The following CFAP54 variants were observed in gnomAD, a reference collection of about 807,000 sequenced individuals.
CFAP54 encodes cilia and flagella associated protein 54, also known as cilia- and flagella-associated protein 54.
In CFAP54, 290 loss-of-function variants were observed where a neutral mutation model predicts 370.4. The ratio of observed to expected loss-of-function variants is 0.78; its 90% CI spans 0.71 to 0.86. CFAP54 has a LOEUF of 0.86. Among genes scored for constraint, CFAP54 ranks in the 40% least tolerant of loss-of-function variants. The pLI is 0.00. For missense variants in CFAP54, 3,399 were observed against 3,528.7 expected, an observed-to-expected ratio of 0.96 and a Z score of 0.93; for synonymous variants, 1,206 against 1,236.5, an observed-to-expected ratio of 0.98 and a Z score of 0.52.
intron 66 of CFAP54, among the ~76,000 whole-genome samples, chr12:96,860,134 A>ATTTTTTTTTT (rs137937553): frequency 7.8e-6 from 1 of 127,990 alleles, no homozygotes; most frequent in Non-Finnish European, 1.6e-5. Flanking sequence ...TTGTTCTCTA[A>ATTTTTTTTTT]TTTTTTTTTT....
intron 4 of CFAP54, among the ~76,000 whole-genome samples, chr12:96,507,385 G>C (rs1032326268): frequency 6.6e-6 from 1 of 151,956 alleles, no homozygotes; most frequent in Non-Finnish European, 1.5e-5. Flanking sequence ...GATGGAGAAG[G>C]GTCAAAGAAC....
chr12:96,827,758 A>C (rs1959135278), intron 65 of CFAP54, among the ~76,000 whole-genome samples: 2 of 115,676 alleles, frequency 1.7e-5, no homozygotes, highest in East Asian at 4.6e-4. Context: ...ATACATAGTA[A>C]CATATTATAT....
chr12:96,671,417 A>G (rs1044765784), intron 39 of CFAP54, among the ~76,000 whole-genome samples: 1 of 152,194 alleles, frequency 6.6e-6, no homozygotes, highest in African/African-American at 2.4e-5. Context: ...ATTGATAACT[A>G]ATCTGTTCCT....
At chr12:96,825,316 A>C (rs1222412632) in intron 65 of CFAP54, among the ~76,000 whole-genome samples, 1 of 126,634 alleles carries the variant, frequency 7.9e-6, no homozygotes, top group Admixed American at 9.5e-5. Context: ...ATATAATATA[A>C]TATATATTAT....
chr12:96,648,142 T>C (rs992947981), intron 34 of CFAP54, 125 bp downstream of exon 34: 12 of 611,854 alleles, frequency 2.0e-5, no homozygotes, highest in Non-Finnish European at 2.4e-6. Context: ...GACCAGCAAT[T>C]TAGTTGAGTT....
At chr12:96,512,929 T>C in intron 4 of CFAP54, 57 bp from the exon 5 acceptor site, 1 of 1,154,818 alleles carries the variant, frequency 8.7e-7, no homozygotes, top group South Asian at 1.6e-5. Context: ...GAAATTGGAA[T>C]ATAAAATTTC....
At chr12:96,767,560 T>C (rs1958413277) in intron 60 of CFAP54, among the ~76,000 whole-genome samples, 1 of 152,228 alleles carries the variant, frequency 6.6e-6, no homozygotes, top group Admixed American at 6.5e-5. Flanking sequence ...CATTTTGCCT[T>C]GCCTTAAGAA....
At chr12:96,842,348 C>T (rs1959227594) in intron 66 of CFAP54, among the ~76,000 whole-genome samples, 1 of 152,082 alleles carries the variant, frequency 6.6e-6, no homozygotes, top group South Asian at 2.1e-4. Flanking sequence ...GCATATCACA[C>T]CCAAATATTG....
At chr12:96,523,314 G>T (rs115805706) in intron 8 of CFAP54, among the ~76,000 whole-genome samples, 3 of 152,166 alleles carry the variant, frequency 2.0e-5, no homozygotes, top group East Asian at 1.9e-4. Flanking sequence ...AAAGGCAGCC[G>T]CTGGCAGAAC....
At chr12:96,724,525 TG>T (rs1197106111) in intron 50 of CFAP54, among the ~76,000 whole-genome samples, 3 of 152,198 alleles carry the variant, frequency 2.0e-5, no homozygotes, top group Admixed American at 1.3e-4. Flanking sequence ...TGGGGTTGTT[TG>T]TTTTTTTCTT....
At chr12:96,825,270 A>C (rs528311745) in intron 65 of CFAP54, among the ~76,000 whole-genome samples, 2 of 58,238 alleles carry the variant, frequency 3.4e-5, no homozygotes, top group African/African-American at 7.3e-5. Context: ...TATATAATAT[A>C]ACATGTTATA....
intron 22 of CFAP54, among the ~76,000 whole-genome samples, chr12:96,584,418 T>C (rs1439087998): frequency 6.6e-6 from 1 of 152,122 alleles, no homozygotes; most frequent in African/African-American, 2.4e-5. Flanking sequence ...GAGCCAAGAT[T>C]ATGCCACTGC....
intron 63 of CFAP54, among the ~76,000 whole-genome samples, chr12:96,799,127 A>G (rs1958795539): frequency 6.6e-6 from 1 of 152,206 alleles, no homozygotes; most frequent in Non-Finnish European, 1.5e-5. Context: ...GGAGGGGACA[A>G]GTATTTAGGA....
intron 15 of CFAP54, among the ~76,000 whole-genome samples, chr12:96,553,078 T>C (rs1955713142): frequency 6.6e-6 from 1 of 152,202 alleles, no homozygotes; most frequent in Admixed American, 6.5e-5. Context: ...GAGCAAACTC[T>C]TGAGAATTGC....
chr12:96,749,583 T>C (rs1417536073), intron 55 of CFAP54, among the ~76,000 whole-genome samples: 1 of 152,248 alleles, frequency 6.6e-6, no homozygotes, highest in Non-Finnish European at 1.5e-5. Context: ...AAGTCTATTA[T>C]GTTTTCCTTT....
intron 67 of CFAP54, among the ~76,000 whole-genome samples, chr12:96,867,388 G>T (rs145320193): frequency 6.6e-6 from 1 of 152,062 alleles, no homozygotes; most frequent in Non-Finnish European, 1.5e-5. Context: ...CTGATCCAGC[G>T]ATCTAACTAC....
intron 1 of CFAP54, among the ~76,000 whole-genome samples, chr12:96,492,764 A>G (rs7312763): frequency 0.53 from 80,468 of 152,154 alleles, 21,754 homozygotes; most frequent in East Asian, 0.69. Flanking sequence ...AGGCTGAGGC[A>G]GGCAGATCAC....
At chr12:96,525,049 T>C (rs993359273) in intron 8 of CFAP54, among the ~76,000 whole-genome samples, 10 of 152,190 alleles carry the variant, frequency 6.6e-5, no homozygotes, top group African/African-American at 2.4e-4. Flanking sequence ...TTTCTCTTGA[T>C]ATATGTTGCC....
chr12:96,570,025 C>T (rs907946286), intron 19 of CFAP54, among the ~76,000 whole-genome samples: 5 of 152,160 alleles, frequency 3.3e-5, no homozygotes, highest in African/African-American at 4.8e-5. Flanking sequence ...GTCAGCCTGG[C>T]TGCAGTGCAG....
Sources: gnomAD v4.1 joint callset for allele counts (sites outside exome capture counted in the v4.1 genomes callset) on GRCh38, gnomAD v4.1.1 for gene constraint, MANE v1.5 for transcripts, NCBI Gene and HGNC (gene_info 2026-07-23, HGNC 2026-07-21) for gene names.